The following ZNF385D variants were observed in gnomAD, a reference collection of about 807,000 sequenced individuals.
The protein encoded by ZNF385D is zinc finger protein 385D.
ZNF385D carries 15 observed loss-of-function variants against 35.8 expected under a neutral mutation model. The ratio of observed to expected loss-of-function variants is 0.42; its 90% CI spans 0.28 to 0.64. The LOEUF is 0.64. ZNF385D is among the 30% of genes least tolerant of loss of function. The pLI is 0.23. For missense variants in ZNF385D, 474 were observed against 494.6 expected (o/e 0.96, Z 0.39); for synonymous variants, 212 against 186.8 (o/e 1.13, Z -1.10).
At chr3:22,244,182 C>A (rs1418460419) in intron 2 of ZNF385D, among the ~76,000 whole-genome samples, 1 of 149,920 alleles carries the variant, frequency 6.7e-6, no homozygotes, top group Non-Finnish European at 1.5e-5. Context: ...TTAAAAAAAG[C>A]CATTATTAAA....
At chr3:21,556,894 T>G (rs1428427449) in intron 3 of ZNF385D, among the ~76,000 whole-genome samples, 1 of 152,218 alleles carries the variant, frequency 6.6e-6, no homozygotes, top group African/African-American at 2.4e-5. Context: ...TCACATCCCA[T>G]GTAAGTTGTA....
At chr3:21,975,968 A>T (rs1217905722) in intron 3 of ZNF385D, among the ~76,000 whole-genome samples, 3 of 152,118 alleles carry the variant, frequency 2.0e-5, no homozygotes, top group African/African-American at 7.2e-5. Context: ...AGTTTTCAGC[A>T]TTTCCACAGT....
At position 21,486,353 on chromosome 3, in the gene ZNF385D, C is replaced by T. The variant is rs150784807; in HGVS notation, c.439+24508G>A. Among the ~76,000 whole-genome samples the T allele has an allele frequency of 1.8e-3, 279 of 151,210 alleles. 1 individual carries two copies. The highest frequency in any genetic ancestry group is 6.5e-3 in the African/African-American group (268 of 41,138). ...CAAGTCTCATAAACCCAAGTGCTGG[C>T]CTTTCAAACACACACATTTCATTCA... On this transcript the variant is annotated intron_variant, in intron 4 of 7. Coordinates refer to ENST00000281523, the MANE Select transcript of ZNF385D (RefSeq NM_024697.3).
chr3:21,902,075 G>A (rs1016237187), intron 3 of ZNF385D, among the ~76,000 whole-genome samples: 22 of 152,204 alleles, frequency 1.4e-4, no homozygotes, highest in African/African-American at 5.3e-4. Context: ...GAAATTCAAG[G>A]TTGTGCCTAG....
At chr3:21,527,495 G>A (rs1441975629) in intron 3 of ZNF385D, among the ~76,000 whole-genome samples, 1 of 152,092 alleles carries the variant, frequency 6.6e-6, no homozygotes, top group African/African-American at 2.4e-5. Context: ...TTATAGAAAA[G>A]GTTATCATCA....
At chr3:22,164,382 C>T (rs1396005371) in intron 3 of ZNF385D, among the ~76,000 whole-genome samples, 1 of 151,720 alleles carries the variant, frequency 6.6e-6, no homozygotes, top group Non-Finnish European at 1.5e-5. Context: ...GCATGCGCCA[C>T]CACGTCTAGC....
In ZNF385D at chr3:21,465,223, A is replaced by G. The variant is rs1470347044; in HGVS notation, c.440-28020T>C. Among the ~76,000 whole-genome samples the G allele has an allele frequency of 3.3e-5, 5 of 152,072 alleles. No homozygotes were observed. The highest frequency in any genetic ancestry group is 7.2e-5 in the African/African-American group (3 of 41,392). ...TTTCACTTTTATTTTCACATAGGGA[A>G]CTACACTTATCTCCAGAGTCTTCCC... On this transcript the variant is annotated intron_variant, in intron 4 of 7. Transcript: ENST00000281523. This position sits in a 1 kb window ranked among gnomAD's most constrained non-coding sequence, Gnocchi z 4.2.
intron 2 of ZNF385D, among the ~76,000 whole-genome samples, chr3:22,173,060 A>G (rs1694573606): frequency 6.6e-6 from 1 of 152,222 alleles, no homozygotes. Context: ...CGTGCTAACA[A>G]TGGTATTTCA....
At chr3:22,289,936 C>T (rs931751887) in intron 2 of ZNF385D, among the ~76,000 whole-genome samples, 3 of 152,068 alleles carry the variant, frequency 2.0e-5, no homozygotes, top group African/African-American at 7.2e-5. Flanking sequence ...TGACTATAAG[C>T]AGCAGCAGTT....
intron 2 of ZNF385D, chr3:21,579,783 C>G (rs1559426749): frequency 6.6e-6 from 1 of 152,256 alleles, no homozygotes; most frequent in African/African-American, 2.4e-5. Context: ...CCAGCCGTCT[C>G]TGGTGCCCTT....
At chr3:21,500,832 A>C (rs1024422765) in intron 4 of ZNF385D, among the ~76,000 whole-genome samples, 39 of 152,170 alleles carry the variant, frequency 2.6e-4, no homozygotes, top group African/African-American at 9.2e-4. Context: ...GTTTTTAAAG[A>C]CATTTCTTGT....
At chr3:21,896,698 G>C (rs1041784721) in intron 3 of ZNF385D, among the ~76,000 whole-genome samples, 1 of 152,170 alleles carries the variant, frequency 6.6e-6, no homozygotes, top group Non-Finnish European at 1.5e-5. Context: ...GGATATGAGA[G>C]ACGCAGTAGT....
At chr3:21,858,809 G>T (rs1216637118) in intron 3 of ZNF385D, among the ~76,000 whole-genome samples, 1 of 152,058 alleles carries the variant, frequency 6.6e-6, no homozygotes, top group Non-Finnish European at 1.5e-5. Flanking sequence ...CTCCTCCATT[G>T]AGGTGGTATT....
At chr3:21,859,498 C>A (rs1696922259) in intron 3 of ZNF385D, among the ~76,000 whole-genome samples, 1 of 151,890 alleles carries the variant, frequency 6.6e-6, no homozygotes, top group Non-Finnish European at 1.5e-5. Flanking sequence ...TGCCTCCACT[C>A]TCTTTGCTCT....
chr3:22,308,522 A>T (rs1703359516), intron 2 of ZNF385D, among the ~76,000 whole-genome samples: 1 of 152,108 alleles, frequency 6.6e-6, no homozygotes, highest in African/African-American at 2.4e-5. Flanking sequence ...CAGGGAATGA[A>T]AAAGAAAACT....
intron 2 of ZNF385D, among the ~76,000 whole-genome samples, chr3:21,635,343 G>A (rs1251670877): frequency 1.3e-5 from 2 of 151,998 alleles, no homozygotes; most frequent in Non-Finnish European, 2.9e-5. Context: ...TGGTCCGTTC[G>A]ACATGATTAA....
At chr3:22,146,669 C>T (rs977450751) in intron 3 of ZNF385D, among the ~76,000 whole-genome samples, 6 of 152,026 alleles carry the variant, frequency 3.9e-5, no homozygotes, top group African/African-American at 1.4e-4. Context: ...TGAATAAACA[C>T]ATTATATAAC....
At chr3:21,796,308 T>G (rs1383538190) in intron 3 of ZNF385D, among the ~76,000 whole-genome samples, 1 of 152,174 alleles carries the variant, frequency 6.6e-6, no homozygotes, top group East Asian at 1.9e-4. Flanking sequence ...AGCATTATCC[T>G]TATACTAAAA....
At chr3:21,982,848 G>C (rs1694559770) in intron 3 of ZNF385D, among the ~76,000 whole-genome samples, 1 of 148,174 alleles carries the variant, frequency 6.7e-6, no homozygotes, top group African/African-American at 2.4e-5. Flanking sequence ...AGATAATCAT[G>C]TGGGTTTTTT....
Sources: allele counts gnomAD v4.1 joint callset (sites outside exome capture counted in the v4.1 genomes callset), GRCh38; gene constraint gnomAD v4.1.1; non-coding constraint Gnocchi (gnomAD v3.1); transcripts MANE v1.5; gene names NCBI Gene and HGNC (gene_info 2026-07-23, HGNC 2026-07-21).